Variants in NOS1AP observed in about 807,000 individuals in gnomAD.
NOS1AP encodes carboxyl-terminal PDZ ligand of neuronal nitric oxide synthase protein.
NOS1AP carries 21 observed loss-of-function variants against 56.2 expected under a neutral mutation model. That is an observed-to-expected ratio of 0.37 (90% CI 0.26 to 0.54). The LOEUF is 0.54. NOS1AP is among the 20% of genes least tolerant of loss of function. NOS1AP has a pLI of 0.84. For synonymous variants in NOS1AP, 270 were observed against 274.6 expected (o/e 0.98, Z 0.17); for missense variants, 522 against 657.8 (o/e 0.79, Z 2.26).
chr1:162,222,040 G>A lies in NOS1AP; in HGVS notation c.178-65304G>A, dbSNP rs78381476. Among the ~76,000 whole-genome samples, 843 of 152,146 alleles carry A rather than the reference G, an allele frequency of 5.5e-3. 9 individuals carry two copies. Among genetic ancestry groups the A allele is most frequent in the African/African-American group, 0.019 (789 of 41,528 alleles). ...TAAAAAATGTTGAATAAAAAATGTT[G>A]CAATATTGCAATGAATTTCGCTTCT... is the stretch of plus-strand genomic sequence containing the variant. On this transcript the variant is annotated intron_variant, in intron 2 of 9. Transcript: ENST00000361897.
chr1:162,319,721 C>T (rs1218094112), intron 4 of NOS1AP, among the ~76,000 whole-genome samples: 5 of 152,122 alleles, frequency 3.3e-5, no homozygotes, highest in Admixed American at 3.3e-4. Context: ...CTGAGAGCTC[C>T]TGCCAGATGG....
intron 4 of NOS1AP, among the ~76,000 whole-genome samples, chr1:162,315,568 G>C (rs1264463310): frequency 3.3e-5 from 5 of 152,196 alleles, no homozygotes; most frequent in African/African-American, 9.7e-5. Context: ...GGTCCAGAGG[G>C]TTAAGCACAG....
At chr1:162,191,627 C>A (rs113949891) in intron 2 of NOS1AP, among the ~76,000 whole-genome samples, 1 of 152,080 alleles carries the variant, frequency 6.6e-6, no homozygotes, top group Non-Finnish European at 1.5e-5. Flanking sequence ...ATTCTTGCCG[C>A]GTTCTCCTAG....
intron 1 of NOS1AP, among the ~76,000 whole-genome samples, chr1:162,127,943 C>CA (rs958436630): frequency 2.0e-5 from 3 of 151,668 alleles, no homozygotes; most frequent in Non-Finnish European, 4.4e-5. Flanking sequence ...ATTTTTACAC[C>CA]AAAAAAATGA....
intron 1 of NOS1AP, among the ~76,000 whole-genome samples, chr1:162,122,179 G>A (rs566411291): frequency 5.3e-5 from 8 of 152,290 alleles, no homozygotes; most frequent in South Asian, 4.1e-4. Flanking sequence ...AGCAAGACAC[G>A]TGATCTGTTG....
chr1:162,200,131 C>T lies in NOS1AP; in HGVS notation c.177+45655C>T, dbSNP rs1397360869. ...GCTATTGGCCATCCCTTTCCTGGGA[C>T]TGCTTTATCTAGAAGTTGTGGTGTT... On this transcript the variant is annotated intron_variant, in intron 2 of 9. Coordinates refer to ENST00000361897, the MANE Select transcript of NOS1AP (RefSeq NM_014697.3). Among the ~76,000 whole-genome samples, 4 of 152,196 alleles carry T rather than the reference C, an allele frequency of 2.6e-5. No individual in the cohort carries two copies. The South Asian group carries it at 6.2e-4, about 24-fold the overall frequency.
chr1:162,114,988 C>G (rs921823297), intron 1 of NOS1AP, among the ~76,000 whole-genome samples: 6 of 152,160 alleles, frequency 3.9e-5, no homozygotes. Flanking sequence ...CTTCAGGTCC[C>G]ATAATGGCCA....
intron 2 of NOS1AP, among the ~76,000 whole-genome samples, chr1:162,267,015 T>C (rs1312065244): frequency 1.3e-5 from 2 of 152,132 alleles, no homozygotes; most frequent in Admixed American, 6.5e-5. Context: ...ATAATGGAGG[T>C]GGTTCATGTG....
intron 2 of NOS1AP, among the ~76,000 whole-genome samples, chr1:162,180,788 G>A (rs1651231242): frequency 6.6e-6 from 1 of 152,118 alleles, no homozygotes; most frequent in South Asian, 2.1e-4. Flanking sequence ...TTGACACCAT[G>A]GTTGCAGCTT....
chr1:162,112,205 A>G (rs1647737966), intron 1 of NOS1AP, among the ~76,000 whole-genome samples: 1 of 152,140 alleles, frequency 6.6e-6, no homozygotes, highest in Non-Finnish European at 1.5e-5. Flanking sequence ...TCCCTCTCTG[A>G]TGGTTGGGAA....
chr1:162,319,939 C>T (rs1014197007), intron 4 of NOS1AP, among the ~76,000 whole-genome samples: 4 of 152,222 alleles, frequency 2.6e-5, no homozygotes, highest in African/African-American at 4.8e-5. Flanking sequence ...CCACCTCCCA[C>T]GTTGTCTTCG....
intron 4 of NOS1AP, among the ~76,000 whole-genome samples, chr1:162,302,251 A>G (rs777428866): frequency 3.3e-5 from 5 of 152,200 alleles, no homozygotes; most frequent in Non-Finnish European, 7.3e-5. Flanking sequence ...TTGTATATCT[A>G]GCGCTAAACC....
rs1467385193 is a variant in NOS1AP at position 162,188,418 on chromosome 1, T to C, written c.177+33942T>C. Among the ~76,000 whole-genome samples the C allele has an allele frequency of 6.6e-6, 1 of 152,212 alleles. No homozygotes were observed. Among genetic ancestry groups the C allele is most frequent in the Non-Finnish European group, 1.5e-5 (1 of 68,036 alleles). ...TTTCCATAATGCTTGATTAATGCTC[T>C]GTTGTTAATATCTTATAAGACCTGG... On this transcript the variant is annotated intron_variant, in intron 2 of 9. Coordinates refer to ENST00000361897, the MANE Select transcript of NOS1AP (RefSeq NM_014697.3). The surrounding 1 kb of genome is among the most constrained non-coding windows in gnomAD (Gnocchi z 4.0).
chr1:162,262,812 AC>A (rs1179649159), intron 2 of NOS1AP, among the ~76,000 whole-genome samples: 1 of 152,200 alleles, frequency 6.6e-6, no homozygotes, highest in Non-Finnish European at 1.5e-5. Flanking sequence ...ACAACATTTA[AC>A]CAGACTCATT....
intron 8 of NOS1AP, chr1:162,363,737 G>A (rs940352266): frequency 1.8e-5 from 17 of 952,344 alleles, no homozygotes; most frequent in Non-Finnish European, 1.9e-5. Flanking sequence ...CAGGAAACAG[G>A]GATGAAGACC....
At chr1:162,091,135 T>C (rs1305482234) in intron 1 of NOS1AP, among the ~76,000 whole-genome samples, 1 of 152,208 alleles carries the variant, frequency 6.6e-6, no homozygotes, top group Non-Finnish European at 1.5e-5. Context: ...CCTTCTCTTT[T>C]CTTTGTCTCT....
intron 2 of NOS1AP, among the ~76,000 whole-genome samples, chr1:162,267,108 T>G (rs1654448147): frequency 1.3e-5 from 2 of 152,208 alleles, no homozygotes; most frequent in Admixed American, 1.3e-4. Context: ...GTAATTGTTT[T>G]GATTTTTGAC....
chr1:162,130,244 G>T lies in NOS1AP; in HGVS notation c.106-24161G>T, dbSNP rs1240182499. Among the ~76,000 whole-genome samples the T allele has an allele frequency of 2.0e-5, 3 of 152,172 alleles. No homozygotes were observed. The East Asian group carries it at 5.8e-4, about 29-fold the overall frequency. ...TCATTTTGCAGATGAGAAAACAAAG[G>T]CACAGAGAGGGTAAGTAACTAAGTT... On this transcript the variant is annotated intron_variant, in intron 1 of 9. Coordinates refer to ENST00000361897, the MANE Select transcript of NOS1AP (RefSeq NM_014697.3).
At chr1:162,228,634 C>T (rs977958425) in intron 2 of NOS1AP, among the ~76,000 whole-genome samples, 1 of 152,322 alleles carries the variant, frequency 6.6e-6, no homozygotes, top group East Asian at 1.9e-4. Flanking sequence ...TGGCAATAGA[C>T]CAGCGCCCAG....
Sources: allele counts gnomAD v4.1 joint callset (sites outside exome capture counted in the v4.1 genomes callset), GRCh38; gene constraint gnomAD v4.1.1; non-coding constraint Gnocchi (gnomAD v3.1); transcripts MANE v1.5; gene names NCBI Gene and HGNC (gene_info 2026-07-23, HGNC 2026-07-21).